TRRAP: variants seen among roughly 807,000 people sequenced by gnomAD.
TRRAP encodes transformation/transcription domain-associated protein.
TRRAP carries 41 observed loss-of-function variants against 438.8 expected under a neutral mutation model. The observed-to-expected ratio is 0.09, with a 90% CI of 0.07 to 0.12. The LOEUF is 0.12. TRRAP is among the 10% of genes least tolerant of loss of function. The pLI is 1.00. For missense variants in TRRAP, 3,122 were observed against 5,055.1 expected (o/e 0.62, Z 11.60); for synonymous variants, 1,994 against 1,962.9 (o/e 1.02, Z -0.42).
At chr7:98,895,950 A>C in intron 7 of TRRAP, 130 bp downstream of exon 7, 1 of 607,446 alleles carries the variant, frequency 1.6e-6, no homozygotes, top group East Asian at 3.2e-5. Flanking sequence ...GGGAATGTTT[A>C]GCAATGGTTA....
rs1796430394 is a variant in TRRAP at position 98,900,616 on chromosome 7, T to G, written c.801-8T>G. ...GAGAGGTAATATTTTTGTTCTCTTC[T>G]TATTCAGGCAACATAAGCTTTACAA... On this transcript the variant is annotated splice_region_variant and splice_polypyrimidine_tract_variant and intron_variant, in intron 10 of 72. Transcript: ENST00000456197. The G allele has an allele frequency of 1.2e-6, 2 of 1,605,916 alleles. No homozygotes were observed. Among genetic ancestry groups the G allele is most frequent in the African/African-American group, 1.3e-5 (1 of 74,632 alleles).
At chr7:98,893,942 A>AT in intron 6 of TRRAP, 61 bp downstream of exon 6, 1 of 1,551,610 alleles carries the variant, frequency 6.4e-7, no homozygotes, top group Non-Finnish European at 8.8e-7. Context: ...CTTCTGTGAA[A>AT]TTTTTTGCTG....
At chr7:98,880,626 A>G (rs1367458327) in intron 1 of TRRAP, among the ~76,000 whole-genome samples, 2 of 152,164 alleles carry the variant, frequency 1.3e-5, no homozygotes, top group Non-Finnish European at 2.9e-5. Context: ...GGCTGGGGAA[A>G]AGAGGAAGGA....
In TRRAP at chr7:98,890,388, A is replaced by G. The variant is rs782429150; in HGVS notation, c.204A>G (p.Arg68=). 5 of 1,607,206 alleles carry G rather than the reference A, an allele frequency of 3.1e-6. No individual in the cohort carries two copies. The South Asian group carries it at 4.5e-5, about 14-fold the overall frequency. ...YSTFLEHIIP[R]FLTFLQDGEV... is the part of the protein sequence containing the mutation. The stretch of plus-strand genomic sequence containing the variant: ...CATTCCTAGAACATATCATCCCTCG[A>G]TTCCTTACATTTCTCCAAGATGGAG... Residue 68 remains arginine (R), a synonymous_variant, in exon 4 of 73, where the codon CGA becomes CGG. Coordinates refer to ENST00000456197, the MANE Select transcript of TRRAP (RefSeq NM_001375524.1).
chr7:98,961,973 C>T (rs1048593812), intron 46 of TRRAP, among the ~76,000 whole-genome samples: 3 of 152,198 alleles, frequency 2.0e-5, no homozygotes, highest in African/African-American at 4.8e-5. Flanking sequence ...TTTGGAAATT[C>T]AGTTCTTCAT....
chr7:98,976,751 G>A lies in TRRAP; in HGVS notation c.8228G>A (p.Ser2743Asn), dbSNP rs1383645357. The A allele has an allele frequency of 4.3e-6, 7 of 1,613,054 alleles. No individual in the cohort carries two copies. Among genetic ancestry groups the A allele is most frequent in the Admixed American group, 1.7e-5 (1 of 60,022 alleles). Residue 2743 changes from serine to asparagine, a missense_variant, in exon 55 of 73, where the codon AGC (serine) becomes AAC (asparagine). Around this residue, in one of 24 missense-constraint regions of TRRAP, gnomAD observed 992 missense variants for 1,281.2 expected, o/e 0.77. Transcript: ENST00000456197. This position sits in a 1 kb window ranked among gnomAD's most constrained non-coding sequence, Gnocchi z 4.6. ...ACAACGGAGTTTTATGAGCAGGAGA[G>A]CATCACCCCGCCGCAGCAGGTGAGG... ...KQTTEFYEQESITPPQQEILD... is the reference protein window; with the variant it reads ...KQTTEFYEQENITPPQQEILD...
Position 98,976,196 on chromosome 7 carries a change from G to A in TRRAP, c.7887G>A (p.Thr2629=), listed in dbSNP as rs146680389. ...TCGTTCAGCTGTGCCACATTTCCACGACGCTGGCAGAGAAGACGTGGGTCC... is the reference window on the plus strand; with the variant it reads ...TCGTTCAGCTGTGCCACATTTCCACAACGCTGGCAGAGAAGACGTGGGTCC... The part of the protein sequence containing the change: ...SAFVQLCHIS[T]TLAEKTWVQL... Residue 2629 remains threonine, a synonymous_variant, in exon 54 of 73, where the codon ACG becomes ACA. Coordinates refer to ENST00000456197, the MANE Select transcript of TRRAP (RefSeq NM_001375524.1). This position sits in a 1 kb window ranked among gnomAD's most constrained non-coding sequence, Gnocchi z 4.6. 19 of 1,614,114 alleles carry A rather than the reference G, an allele frequency of 1.2e-5. No individual in the cohort carries two copies. The Middle Eastern group carries it at 6.6e-4, about 56-fold the overall frequency.
intron 58 of TRRAP, among the ~76,000 whole-genome samples, chr7:98,981,014 C>A (rs966216734): frequency 1.3e-5 from 2 of 152,170 alleles, no homozygotes; most frequent in African/African-American, 4.8e-5. Flanking sequence ...CATGACCCTG[C>A]AGTCTAGCTT....
At chr7:98,977,946 G>T (rs1215114932) in intron 56 of TRRAP, among the ~76,000 whole-genome samples, 2 of 152,200 alleles carry the variant, frequency 1.3e-5, no homozygotes, top group Non-Finnish European at 2.9e-5. Flanking sequence ...CCAGGTCTGT[G>T]ATTCAGCCTG....
chr7:98,936,000 A>G (rs1790535937), intron 28 of TRRAP, among the ~76,000 whole-genome samples: 1 of 152,360 alleles, frequency 6.6e-6, no homozygotes, highest in African/African-American at 2.4e-5. Context: ...AGTAAGGGAC[A>G]TGACAGCCTT....
chr7:98,971,053 C>T (rs1337765829), intron 52 of TRRAP, among the ~76,000 whole-genome samples: 4 of 152,306 alleles, frequency 2.6e-5, no homozygotes, highest in East Asian at 3.9e-4. Flanking sequence ...ACAGTCACCC[C>T]GTGCTGCAGG....
chr7:98,950,054 G>A lies in TRRAP; in HGVS notation c.5136-10G>A. 6.2e-7 allele frequency: 1 copy of A among 1,613,776 alleles called. No individual in the cohort carries two copies. Among genetic ancestry groups the A allele is most frequent in the South Asian group, 1.1e-5 (1 of 90,974 alleles). On this transcript the variant is annotated splice_polypyrimidine_tract_variant and intron_variant, in intron 37 of 72. Transcript: ENST00000456197. ...CTAAGTTAACCTGTCTTCTTCTTTT[G>A]ACCCTCCAGAAGGAATTACGGAGAT...
intron 31 of TRRAP, 148 bp downstream of exon 31, chr7:98,943,165 G>A: frequency 1.4e-6 from 1 of 737,886 alleles, no homozygotes; most frequent in South Asian, 2.1e-5. Context: ...CATTTGATTG[G>A]TATTCTGTTT....
At chr7:98,959,603 C>T (rs993597349) in intron 45 of TRRAP, 113 bp downstream of exon 45, 2 of 1,448,772 alleles carry the variant, frequency 1.4e-6, no homozygotes, top group Admixed American at 4.7e-5. Flanking sequence ...ATGCCTAAAC[C>T]CCAAATCTCC....
intron 3 of TRRAP, among the ~76,000 whole-genome samples, chr7:98,882,861 G>A (rs1554403391): frequency 6.6e-6 from 1 of 152,206 alleles, no homozygotes; most frequent in Admixed American, 6.5e-5. Context: ...GTTTCACCAT[G>A]TTGGCCAGGC....
At chr7:98,928,247 A>G (rs1790144998) in intron 23 of TRRAP, among the ~76,000 whole-genome samples, 1 of 152,110 alleles carries the variant, frequency 6.6e-6, no homozygotes, top group African/African-American at 2.4e-5. Context: ...AAAAAGAAAA[A>G]AAAAGACAAA....
intron 21 of TRRAP, 95 bp from the exon 22 acceptor site, chr7:98,925,017 A>AG: frequency 6.8e-7 from 1 of 1,460,974 alleles, no homozygotes. Context: ...AAAAAAAAAA[A>AG]GATTCTTCTG....
At chr7:98,921,683 T>G in intron 20 of TRRAP, 70 bp from the exon 21 acceptor site, 22 of 1,596,132 alleles carry the variant, frequency 1.4e-5, no homozygotes, top group Non-Finnish European at 1.7e-5. Flanking sequence ...GCCTCCCTTT[T>G]GAGTTTTGAT....
Position 98,911,922 on chromosome 7 carries a change from A to G in TRRAP, c.2008-100A>G, listed in dbSNP as rs943565872. ...ATAATTAAATTTCTTGGAATGTGTG[A>G]TACAGGCTTGGTTTTATGTTTTTTG... On this transcript the variant is annotated intron_variant, in intron 17 of 72. Coordinates refer to ENST00000456197, the MANE Select transcript of TRRAP (RefSeq NM_001375524.1). 9.2e-6 allele frequency: 10 copies of G among 1,084,192 alleles called. No homozygotes were observed. In the African/African-American group the frequency reaches 1.3e-4, roughly 14 times the overall value. 67.2% of individuals were successfully genotyped at this position (1,084,192 alleles called of 1,614,324 possible).
Sources: gnomAD v4.1 joint callset for allele counts (sites outside exome capture counted in the v4.1 genomes callset) on GRCh38, gnomAD v4.1.1 for gene constraint, gnomAD v4.1.1 regional missense constraint, Gnocchi (gnomAD v3.1) non-coding constraint, MANE v1.5 for transcripts, NCBI Gene and HGNC (gene_info 2026-07-23, HGNC 2026-07-21) for gene names.